The following SPRY3 variants were observed in gnomAD, a reference collection of about 807,000 sequenced individuals.
SPRY3 encodes protein sprouty homolog 3.
SPRY3 carries 15 observed loss-of-function variants against 20.2 expected under a neutral mutation model. That is an observed-to-expected ratio of 0.74 (90% confidence interval 0.50 to 1.14). The LOEUF (loss-of-function observed/expected upper bound fraction) is 1.14. Among genes scored for constraint, SPRY3 ranks in the 50% most tolerant of loss-of-function variants. The pLI is 0.00. For missense variants in SPRY3, 364 were observed against 363.9 expected (o/e 1.00, Z 0.00); for synonymous variants, 143 against 136.5 (o/e 1.05, Z -0.33).
rs1373170090 is a variant in SPRY3, at chrX:155,682,547, G to C, written c.-282+25522G>C. On this transcript the variant is annotated intron_variant, in intron 2 of 3. Transcript: ENST00000675360. The stretch of plus-strand genomic sequence containing the variant: ...TTTTAAAAACATTTTTTGAGGCAGA[G>C]TCTCACTCTGTCATCCAGGCTGGTA... 2.8e-4 allele frequency among the ~76,000 whole-genome samples: 31 copies of C among 111,434 alleles called. No individual in the cohort carries two copies. In the Admixed American group the frequency reaches 3.0e-3, roughly 11 times the overall value.
chrX:155,726,411 C>T (rs2091097608), intron 2 of SPRY3, among the ~76,000 whole-genome samples: 1 of 152,054 alleles, frequency 6.6e-6, no homozygotes, highest in Non-Finnish European at 1.5e-5. Flanking sequence ...CTAATATTGA[C>T]AGTGGGGTGT....
At chrX:155,715,028 C>T (rs1346740619) in intron 2 of SPRY3, among the ~76,000 whole-genome samples, 3 of 152,150 alleles carry the variant, frequency 2.0e-5, no homozygotes, top group Admixed American at 1.3e-4. Flanking sequence ...AGAGCCTAGG[C>T]CAGTACTTAG....
At chrX:155,777,635 T>TTATATATATATA (rs1405328791), downstream of SPRY3, 2 of 18,800 alleles carry the variant, frequency 1.1e-4, no homozygotes, top group African/African-American at 5.4e-4. Flanking sequence ...CCTTCTGTGA[T>TTATATATATATA]TATATATATT....
chrX:155,726,078 A>G (rs113925898), intron 2 of SPRY3, among the ~76,000 whole-genome samples: 1 of 151,978 alleles, frequency 6.6e-6, no homozygotes, highest in East Asian at 1.9e-4. Context: ...CATTATGTAC[A>G]CAGTAGTCAT....
chrX:155,633,851 T>G (rs2067914971), intron 1 of SPRY3, among the ~76,000 whole-genome samples: 1 of 111,866 alleles, frequency 8.9e-6, no homozygotes, highest in Non-Finnish European at 1.9e-5. Context: ...AGGAGGCAAG[T>G]ATAAGCCTCA....
At chrX:155,758,151 A>G (rs1052718906) in intron 2 of SPRY3, among the ~76,000 whole-genome samples, 2 of 152,214 alleles carry the variant, frequency 1.3e-5, no homozygotes, top group African/African-American at 4.8e-5. Flanking sequence ...TATTCGTTCA[A>G]CCAATATGTA....
At chrX:155,672,717 A>G (rs1557354883) in intron 2 of SPRY3, among the ~76,000 whole-genome samples, 1 of 106,832 alleles carries the variant, frequency 9.4e-6, no homozygotes, top group African/African-American at 3.5e-5. Flanking sequence ...ATTACTGGGT[A>G]TATACCCAAA....
intron 2 of SPRY3, among the ~76,000 whole-genome samples, chrX:155,734,514 A>C (rs2091155175): frequency 6.6e-6 from 1 of 152,086 alleles, no homozygotes; most frequent in South Asian, 2.1e-4. Context: ...GATCACCATA[A>C]CAAATATAAT....
intron 1 of SPRY3, among the ~76,000 whole-genome samples, chrX:155,631,754 G>A (rs782578193): frequency 1.2e-4 from 13 of 111,123 alleles, no homozygotes; most frequent in Non-Finnish European, 2.3e-4. Context: ...TGCATTTTTA[G>A]TTATAGGATT....
chrX:155,729,560 A>C (rs2091119998), intron 2 of SPRY3, among the ~76,000 whole-genome samples: 2 of 152,234 alleles, frequency 1.3e-5, no homozygotes, highest in East Asian at 1.9e-4. Context: ...ATACAGCAAA[A>C]GCACTACTAA....
chrX:155,626,825 C>T (rs993397907), intron 1 of SPRY3, among the ~76,000 whole-genome samples: 2 of 111,413 alleles, frequency 1.8e-5, no homozygotes, highest in Admixed American at 9.6e-5. Context: ...TAAGTGTTCC[C>T]TCAGTTCAAT....
intron 1 of SPRY3, among the ~76,000 whole-genome samples, chrX:155,625,030 G>C (rs895530154): frequency 1.8e-5 from 2 of 111,495 alleles, no homozygotes; most frequent in East Asian, 5.6e-4. Flanking sequence ...ACTATAAAAG[G>C]AAACAGGAAA....
intron 2 of SPRY3, among the ~76,000 whole-genome samples, chrX:155,666,311 G>A (rs919534410): frequency 9.0e-6 from 1 of 111,435 alleles, no homozygotes; most frequent in Non-Finnish European, 1.9e-5. Context: ...GTATATTTAT[G>A]GGATAGATCA....
chrX:155,738,019 T>G (rs1308342008), intron 2 of SPRY3, among the ~76,000 whole-genome samples: 2 of 152,120 alleles, frequency 1.3e-5, no homozygotes, highest in African/African-American at 4.8e-5. Flanking sequence ...AGGACCTAAT[T>G]CTCACACCTT....
At chrX:155,769,777 A>G in intron 3 of SPRY3, among the ~76,000 whole-genome samples, 1 of 152,318 alleles carries the variant, frequency 6.6e-6, no homozygotes, top group Admixed American at 6.5e-5. Flanking sequence ...TAGCAAAGTG[A>G]CAAGTTAAGA....
At chrX:155,696,276 G>C (rs2123997123) in intron 2 of SPRY3, among the ~76,000 whole-genome samples, 1 of 109,017 alleles carries the variant, frequency 9.2e-6, no homozygotes, top group African/African-American at 3.3e-5. Context: ...GAGAGAGAGA[G>C]AGTCTGGAGT....
At chrX:155,732,913 C>T (rs2091143403) in intron 2 of SPRY3, among the ~76,000 whole-genome samples, 2 of 151,888 alleles carry the variant, frequency 1.3e-5, no homozygotes, top group African/African-American at 2.4e-5. Flanking sequence ...ACAATCTTCG[C>T]TTTCATTTTT....
chrX:155,774,341 C>G (rs2091406668), exon 4 of SPRY3: 2 of 1,613,902 alleles, frequency 1.2e-6, no homozygotes, highest in Admixed American at 3.3e-5. Context: ...AAGTGCGTCC[C>G]CTGCACAGCA....
chrX:155,707,708 C>A (rs917735845), intron 2 of SPRY3, among the ~76,000 whole-genome samples: 1 of 151,092 alleles, frequency 6.6e-6, no homozygotes, highest in Admixed American at 6.6e-5. Context: ...GTCTTAAAGT[C>A]TATGTACTCA....
Sources: allele counts gnomAD v4.1 joint callset (sites outside exome capture counted in the v4.1 genomes callset), GRCh38; gene constraint gnomAD v4.1.1; transcripts MANE v1.5; gene names NCBI Gene and HGNC (gene_info 2026-07-23, HGNC 2026-07-21).